The following SYBU variants were observed in gnomAD, a reference collection of about 807,000 sequenced individuals.
SYBU encodes GOLSYN A protein.
In SYBU, 21 loss-of-function variants were observed where a neutral mutation model predicts 35.9. The observed-to-expected ratio is 0.58, with a 90% CI of 0.41 to 0.84. The LOEUF is 0.84. Among genes scored for constraint, SYBU ranks in the 40% least tolerant of loss-of-function variants. The pLI is 0.00. For missense variants in SYBU, 768 were observed against 848.2 expected (o/e 0.91, Z 1.17); for synonymous variants, 319 against 324.3 (o/e 0.98, Z 0.18).
At chr8:109,626,728 G>A (rs563957715) in intron 2 of SYBU, among the ~76,000 whole-genome samples, 1 of 152,126 alleles carries the variant, frequency 6.6e-6, no homozygotes. Context: ...TAGGAAACAT[G>A]GTGAAACCTA....
intron 2 of SYBU, among the ~76,000 whole-genome samples, chr8:109,635,476 C>CA (rs1276230254): frequency 6.6e-6 from 1 of 152,148 alleles, no homozygotes; most frequent in African/African-American, 2.4e-5. Flanking sequence ...GTAATATTAT[C>CA]AAAACCCTCC....
At chr8:109,638,208 G>A (rs1050537509) in intron 2 of SYBU, among the ~76,000 whole-genome samples, 1 of 152,178 alleles carries the variant, frequency 6.6e-6, no homozygotes, top group Non-Finnish European at 1.5e-5. Context: ...AGTTCTAAGG[G>A]GGTAATTATT....
intron 3 of SYBU, chr8:109,608,009 T>A: frequency 2.6e-6 from 4 of 1,512,696 alleles, no homozygotes; most frequent in Non-Finnish European, 2.7e-6. Flanking sequence ...ATACAGTGTG[T>A]GCAGCTCATA....
intron 4 of SYBU, 167 bp downstream of exon 4, chr8:109,585,893 A>C: frequency 1.7e-6 from 1 of 600,366 alleles, no homozygotes; most frequent in Non-Finnish European, 2.9e-6. Flanking sequence ...AGTTGGCAAG[A>C]CAGGAAAAAC....
rs538516380 is a variant in SYBU at position 109,630,351 on chromosome 8, C to T, written c.230-11312G>A. On this transcript the variant is annotated intron_variant, in intron 2 of 6. Coordinates refer to ENST00000276646, the MANE Select transcript of SYBU (RefSeq NM_001099754.2). ...TGACGAGTTAGTGGGTGCAGCGCACCAGCATGGCACATGTATACATATGTA... is the reference window on the plus strand; with the variant it reads ...TGACGAGTTAGTGGGTGCAGCGCACTAGCATGGCACATGTATACATATGTA... 5.3e-3 allele frequency among the ~76,000 whole-genome samples: 798 copies of T among 150,146 alleles called. 3 individuals are homozygous for T. Among genetic ancestry groups the T allele is most frequent in the African/African-American group, 0.017 (681 of 40,728 alleles).
intron 1 of SYBU, among the ~76,000 whole-genome samples, chr8:109,666,552 C>T (rs1411005416): frequency 6.6e-6 from 1 of 152,152 alleles, no homozygotes; most frequent in African/African-American, 2.4e-5. Flanking sequence ...ACCAACCTGG[C>T]TAACATGGTG....
At chr8:109,582,373 C>T (rs1823133201) in intron 4 of SYBU, among the ~76,000 whole-genome samples, 1 of 152,140 alleles carries the variant, frequency 6.6e-6, no homozygotes, top group Admixed American at 6.5e-5. Context: ...TGATAGGAAA[C>T]ATTTTCAAAG....
chr8:109,671,535 G>C (rs530635044), intron 1 of SYBU, among the ~76,000 whole-genome samples: 1 of 152,120 alleles, frequency 6.6e-6, no homozygotes, highest in South Asian at 2.1e-4. Flanking sequence ...TTTAATTTTT[G>C]GCCACATGAA....
At position 109,618,955 on chromosome 8, in the gene SYBU, G is replaced by A. The variant is rs1441898861; in HGVS notation, c.314C>T (p.Pro105Leu). ...TCTGGTGAAGCCTTCATCACTTCCA[G>A]GGCAAAAGCCAATGGGGCTGTTTCC... ...DAGNSPIGFC[P>L]GSDEGFTRKK... Residue 105 changes from proline to leucine, a missense_variant, in exon 3 of 7, where the codon CCT (proline) becomes CTT (leucine). Coordinates refer to ENST00000276646, the MANE Select transcript of SYBU (RefSeq NM_001099754.2). 6.2e-7 allele frequency: 1 copy of A among 1,614,112 alleles called. No individual in the cohort carries two copies. Among genetic ancestry groups the A allele is most frequent in the African/African-American group, 1.3e-5 (1 of 75,028 alleles).
At chr8:109,625,273 A>G (rs892783073) in intron 2 of SYBU, among the ~76,000 whole-genome samples, 1 of 152,250 alleles carries the variant, frequency 6.6e-6, no homozygotes, top group Non-Finnish European at 1.5e-5. Context: ...TTTAATCTAG[A>G]TAAGTGGGTA....
chr8:109,655,061 T>G (rs1464496420), intron 1 of SYBU, among the ~76,000 whole-genome samples: 1 of 152,226 alleles, frequency 6.6e-6, no homozygotes, highest in Admixed American at 6.5e-5. Flanking sequence ...AATCTTTCAA[T>G]GCTCACTACC....
At chr8:109,672,150 T>C (rs987836512) in intron 1 of SYBU, among the ~76,000 whole-genome samples, 2 of 152,106 alleles carry the variant, frequency 1.3e-5, no homozygotes, top group Non-Finnish European at 2.9e-5. Context: ...ATCCACCTGG[T>C]TTGGCCTCCC....
intron 2 of SYBU, among the ~76,000 whole-genome samples, chr8:109,640,882 A>C (rs1399700869): frequency 6.6e-6 from 1 of 151,936 alleles, no homozygotes; most frequent in Non-Finnish European, 1.5e-5. Flanking sequence ...TGCAGAGGAC[A>C]GAATAACTTT....
intron 3 of SYBU, among the ~76,000 whole-genome samples, chr8:109,590,497 T>C (rs1484134900): frequency 6.6e-6 from 1 of 152,094 alleles, no homozygotes; most frequent in East Asian, 1.9e-4. Flanking sequence ...AGAAAATAGT[T>C]TTCTTCATTC....
chr8:109,654,387 A>G (rs955612697), intron 1 of SYBU, among the ~76,000 whole-genome samples: 1 of 152,192 alleles, frequency 6.6e-6, no homozygotes, highest in African/African-American at 2.4e-5. Flanking sequence ...CAGCCTTTGC[A>G]TAGTGAAATA....
chr8:109,605,640 T>C (rs1305326498), intron 3 of SYBU, among the ~76,000 whole-genome samples: 4 of 152,224 alleles, frequency 2.6e-5, no homozygotes, highest in African/African-American at 9.7e-5. Context: ...TCTTCATGCG[T>C]TTTAAAATAA....
intron 3 of SYBU, among the ~76,000 whole-genome samples, chr8:109,609,129 C>T (rs1892758): frequency 6.6e-6 from 1 of 151,970 alleles, no homozygotes. Context: ...GTGAAGAACC[C>T]CTCCTCCTGC....
At chr8:109,631,443 C>T (rs1256171806) in intron 2 of SYBU, among the ~76,000 whole-genome samples, 1 of 152,140 alleles carries the variant, frequency 6.6e-6, no homozygotes, top group Non-Finnish European at 1.5e-5. Context: ...GCTTCGAGTG[C>T]TCCCATAAAA....
At chr8:109,587,984 A>C (rs12546572) in intron 3 of SYBU, among the ~76,000 whole-genome samples, 3,207 of 152,358 alleles carry the variant, frequency 0.021, 95 homozygotes, top group Admixed American at 0.09. Flanking sequence ...TGAAGGATTC[A>C]TGATTGGTAA....
Sources: gnomAD v4.1 joint callset for allele counts (sites outside exome capture counted in the v4.1 genomes callset) on GRCh38, gnomAD v4.1.1 for gene constraint, MANE v1.5 for transcripts, NCBI Gene and HGNC (gene_info 2026-07-23, HGNC 2026-07-21) for gene names.